Variants in LTBP1 observed in about 807,000 individuals in gnomAD.
LTBP1 encodes latent-transforming growth factor beta-binding protein 1.
LTBP1 carries 129 observed loss-of-function variants against 207.6 expected under a neutral mutation model. The observed-to-expected ratio is 0.62, with a 90% CI of 0.54 to 0.72. The LOEUF is 0.72. Ranked by LOEUF, LTBP1 falls within the 30% of genes least tolerant of loss-of-function variation. LTBP1 has a pLI of 0.00. For synonymous variants in LTBP1, 963 were observed against 833.7 expected (o/e 1.16, Z -2.67); for missense variants, 2,281 against 2,217.2 (o/e 1.03, Z -0.58).
At chr2:33,113,364 A>G (rs1366596185) in intron 4 of LTBP1, among the ~76,000 whole-genome samples, 1 of 152,212 alleles carries the variant, frequency 6.6e-6, no homozygotes, top group Non-Finnish European at 1.5e-5. Context: ...TGGTAAGAGA[A>G]AAAGAACAAT....
intron 2 of LTBP1, among the ~76,000 whole-genome samples, chr2:32,975,583 GTTTTTTTTTTTTTTTTTTTTTTTTTTTT>G (rs779168923): frequency 3.2e-5 from 1 of 31,360 alleles, no homozygotes; most frequent in African/African-American, 1.4e-4. Flanking sequence ...TTCATTCTTT[GTTTTTTTTTTTTTTTTTTTTTTTTTTTT>G]TTTTTTTTTT....
At chr2:32,996,192 A>G (rs1685239787) in intron 2 of LTBP1, among the ~76,000 whole-genome samples, 1 of 152,224 alleles carries the variant, frequency 6.6e-6, no homozygotes. Context: ...TATTTCTCAC[A>G]GTTTTGGAGG....
chr2:33,147,890 C>T (rs1419417158), intron 5 of LTBP1, among the ~76,000 whole-genome samples: 3 of 152,308 alleles, frequency 2.0e-5, no homozygotes, highest in East Asian at 1.9e-4. Flanking sequence ...TCAAGCCCTC[C>T]AAAGAATTTT....
intron 26 of LTBP1, among the ~76,000 whole-genome samples, chr2:33,353,537 A>G (rs183831754): frequency 1.3e-5 from 2 of 152,142 alleles, no homozygotes; most frequent in African/African-American, 4.8e-5. Context: ...GCCTCTCCAC[A>G]TTAGAAGCAC....
At chr2:33,258,086 A>G (rs1373547573) in intron 12 of LTBP1, among the ~76,000 whole-genome samples, 1 of 152,184 alleles carries the variant, frequency 6.6e-6, no homozygotes, top group African/African-American at 2.4e-5. Flanking sequence ...GGGACCTGTG[A>G]CCACGGAGCA....
chr2:33,208,234 C>A (rs2090024234), intron 7 of LTBP1, among the ~76,000 whole-genome samples: 1 of 152,196 alleles, frequency 6.6e-6, no homozygotes, highest in Admixed American at 6.5e-5. Flanking sequence ...ATTTATGGGA[C>A]ATACCTGTAC....
chr2:33,038,712 C>A (rs2076041214), intron 3 of LTBP1, among the ~76,000 whole-genome samples: 1 of 152,174 alleles, frequency 6.6e-6, no homozygotes, highest in South Asian at 2.1e-4. Flanking sequence ...GAGGCTAGAC[C>A]ATAAAGTTTC....
At position 33,323,334 on chromosome 2, in the gene LTBP1, C is replaced by A. The variant is rs77327259; in HGVS notation, c.3730+8065C>A. On this transcript the variant is annotated intron_variant, in intron 24 of 33. Coordinates refer to ENST00000404816, the MANE Select transcript of LTBP1 (RefSeq NM_206943.4). ...CTACTGAATGCATATTGCTCCTGTA[C>A]CTTCATAAAGTAAAAAAATCGACTA... Among the ~76,000 whole-genome samples the A allele has an allele frequency of 2.8e-3, 432 of 152,158 alleles. 1 individual carries two copies. The highest frequency in any genetic ancestry group is 9.4e-3 in the African/African-American group (392 of 41,522).
chr2:33,162,154 T>G (rs191293734), intron 5 of LTBP1, among the ~76,000 whole-genome samples: 267 of 152,338 alleles, frequency 1.8e-3, no homozygotes, highest in Admixed American at 3.2e-3. Context: ...TTTTTGTGGC[T>G]GAAGTGTTGA....
chr2:33,345,680 A>G (rs1444886947), intron 25 of LTBP1, among the ~76,000 whole-genome samples: 1 of 152,230 alleles, frequency 6.6e-6, no homozygotes, highest in Non-Finnish European at 1.5e-5. Flanking sequence ...AACTGAGGTA[A>G]TTATCCAAAT....
chr2:33,242,429 C>G (rs1573383673), intron 9 of LTBP1, among the ~76,000 whole-genome samples: 3 of 152,106 alleles, frequency 2.0e-5, no homozygotes, highest in Admixed American at 2.0e-4. Context: ...CAGTGATTTC[C>G]TCTTTCACTG....
intron 7 of LTBP1, among the ~76,000 whole-genome samples, chr2:33,206,852 C>T (rs2089924028): frequency 6.6e-6 from 1 of 151,954 alleles, no homozygotes; most frequent in Non-Finnish European, 1.5e-5. Context: ...TCTTTATTCC[C>T]TCTCTCAACA....
chr2:33,375,733 G>A (rs1367477155), intron 31 of LTBP1, among the ~76,000 whole-genome samples: 4 of 148,752 alleles, frequency 2.7e-5, no homozygotes, highest in Admixed American at 1.3e-4. Context: ...TAGTAGAGAC[G>A]GGGTTTCACC....
At chr2:33,077,088 G>A (rs1041962830) in intron 3 of LTBP1, among the ~76,000 whole-genome samples, 1 of 152,204 alleles carries the variant, frequency 6.6e-6, no homozygotes, top group African/African-American at 2.4e-5. Context: ...AATTCTAAAA[G>A]AGGACACTGT....
chr2:33,088,980 AC>A (rs1339484381), intron 3 of LTBP1, among the ~76,000 whole-genome samples: 1 of 151,786 alleles, frequency 6.6e-6, no homozygotes, highest in Non-Finnish European at 1.5e-5. Flanking sequence ...ACATGTTGAA[AC>A]CCTGTGTCTA....
intron 24 of LTBP1, among the ~76,000 whole-genome samples, chr2:33,325,554 A>T (rs187081789): frequency 2.6e-4 from 40 of 152,354 alleles, no homozygotes; most frequent in Admixed American, 5.2e-4. Context: ...ATAAATACGT[A>T]AAACTATTAC....
chr2:33,240,986 A>G (rs1465384161), intron 9 of LTBP1, among the ~76,000 whole-genome samples: 1 of 152,170 alleles, frequency 6.6e-6, no homozygotes, highest in African/African-American at 2.4e-5. Flanking sequence ...TGGTGGTTAC[A>G]CCACAAGTAG....
chr2:33,077,966 G>A (rs923404181), intron 3 of LTBP1, among the ~76,000 whole-genome samples: 4 of 152,108 alleles, frequency 2.6e-5, no homozygotes, highest in South Asian at 2.1e-4. Context: ...GTGGTGAAGC[G>A]GGTGAACTCA....
chr2:32,947,909 G>A, intron 1 of LTBP1, 91 bp downstream of exon 1: 1 of 1,155,822 alleles, frequency 8.7e-7, no homozygotes, highest in Non-Finnish European at 1.1e-6. Flanking sequence ...GGAGCCCCGC[G>A]GTGGCCAGGG....
Sources: gnomAD v4.1 joint callset for allele counts (sites outside exome capture counted in the v4.1 genomes callset) on GRCh38, gnomAD v4.1.1 for gene constraint, MANE v1.5 for transcripts, NCBI Gene and HGNC (gene_info 2026-07-23, HGNC 2026-07-21) for gene names.